Variants in ATP11B observed in about 807,000 individuals in gnomAD.
ATP11B encodes the protein phospholipid-transporting ATPase IF.
Under a neutral mutation model 157.8 loss-of-function variants are expected in ATP11B, and 81 were observed. The ratio of observed to expected loss-of-function variants is 0.51; its 90% CI spans 0.43 to 0.62. ATP11B has a LOEUF of 0.62. ATP11B is among the 20% of genes least tolerant of loss of function. The probability of loss-of-function intolerance (pLI) is 0.00; values close to 1 mark genes in which losing one functional copy is unlikely to be tolerated. For missense variants in ATP11B, 1,165 were observed against 1,402.2 expected (o/e 0.83, Z 2.70); for synonymous variants, 451 against 469.4 (o/e 0.96, Z 0.51).
At chr3:182,844,649 T>A in intron 8 of ATP11B, 1 of 527,352 alleles carries the variant, frequency 1.9e-6, no homozygotes, top group Non-Finnish European at 2.4e-6. Flanking sequence ...TAACATACCT[T>A]GTACTTTGTA....
chr3:182,797,000 T>C (rs991585206), intron 1 of ATP11B, among the ~76,000 whole-genome samples: 34 of 152,132 alleles, frequency 2.2e-4, no homozygotes, highest in Non-Finnish European at 7.4e-5. Flanking sequence ...AATGAGAAGG[T>C]CTTAATCTGA....
intron 1 of ATP11B, among the ~76,000 whole-genome samples, chr3:182,799,527 G>T (rs1445234151): frequency 6.6e-6 from 1 of 151,926 alleles, no homozygotes; most frequent in Admixed American, 6.6e-5. Flanking sequence ...CGCCCGCCTC[G>T]GCCTCCGGAA....
intron 1 of ATP11B, among the ~76,000 whole-genome samples, chr3:182,818,259 T>G (rs1471325304): frequency 6.6e-6 from 1 of 152,226 alleles, no homozygotes; most frequent in Non-Finnish European, 1.5e-5. Context: ...TGAACCTCTT[T>G]TGAGAAATAC....
Position 182,872,395 on chromosome 3 carries a change from A to C in ATP11B, c.1906A>C (p.Thr636Pro). 1 of 1,613,168 alleles carries C rather than the reference A, an allele frequency of 6.2e-7. No homozygotes were observed. The highest frequency in any genetic ancestry group is 8.5e-7 in the Non-Finnish European group (1 of 1,179,528). ...RTLCIAYRKF[T>P]SKEYEEIDKR... ...TCTGTGTATAGCATATAGAAAATTTACATCAAAAGAGTATGAGGAAATAGA... is the reference window on the plus strand; with the variant it reads ...TCTGTGTATAGCATATAGAAAATTTCCATCAAAAGAGTATGAGGAAATAGA... The change falls in exon 18 of 30, where the codon ACA (threonine) becomes CCA (proline). Residue 636 changes from threonine to proline, a missense_variant. Coordinates refer to ENST00000323116, the MANE Select transcript of ATP11B (RefSeq NM_014616.3).
chr3:182,834,525 A>G (rs974757506), intron 4 of ATP11B, among the ~76,000 whole-genome samples: 1 of 152,180 alleles, frequency 6.6e-6, no homozygotes, highest in Non-Finnish European at 1.5e-5. Context: ...CACAAATGGT[A>G]ACATAGAACA....
intron 20 of ATP11B, among the ~76,000 whole-genome samples, chr3:182,879,861 A>AC (rs1252596119): frequency 1.3e-5 from 2 of 152,174 alleles, no homozygotes; most frequent in Non-Finnish European, 2.9e-5. Context: ...GACCCAGAAA[A>AC]CCTGTGATGA....
chr3:182,847,238 C>G (rs1719605192), intron 9 of ATP11B, among the ~76,000 whole-genome samples: 1 of 151,864 alleles, frequency 6.6e-6, no homozygotes, highest in African/African-American at 2.4e-5. Context: ...TTTAGTAGAC[C>G]ACGTTGGCCA....
chr3:182,816,045 T>C (rs1418739345), intron 1 of ATP11B, among the ~76,000 whole-genome samples: 1 of 152,146 alleles, frequency 6.6e-6, no homozygotes, highest in Non-Finnish European at 1.5e-5. Flanking sequence ...GTATTAACAG[T>C]ACTTCCCCTG....
chr3:182,843,580 C>T (rs1209991689), intron 8 of ATP11B: 1 of 152,076 alleles, frequency 6.6e-6, no homozygotes, highest in South Asian at 2.1e-4. Flanking sequence ...AGATTGTTTT[C>T]CCTCAATATT....
intron 2 of ATP11B, 89 bp downstream of exon 2, chr3:182,820,465 G>T: frequency 1.1e-6 from 1 of 891,234 alleles, no homozygotes; most frequent in South Asian, 1.4e-5. Flanking sequence ...GAGAGGATCG[G>T]TTAAGCCCAG....
At position 182,919,533 on chromosome 3, in the gene ATP11B, C is replaced by A. The variant is rs999022413; in HGVS notation, c.*1429C>A. On this transcript the variant is annotated 3_prime_UTR_variant, in exon 30 of 30. Transcript: ENST00000323116. ...GATTATTAGCTTGAGAACTATTACC[C>A]AGCTCTAAGCAAATAATGATTGTAT... is the stretch of plus-strand genomic sequence containing the variant. 6.6e-6 allele frequency: 1 copy of A among 152,436 alleles called. No individual in the cohort carries two copies. The highest frequency in any genetic ancestry group is 6.5e-5 in the Admixed American group (1 of 15,280). 9.4% of individuals were successfully genotyped at this position (152,436 alleles called of 1,614,324 possible). A position where few individuals can be genotyped will look rare whatever the true frequency, so the allele number is the denominator to read the frequency against.
At chr3:182,813,176 C>T (rs1716771232) in intron 1 of ATP11B, among the ~76,000 whole-genome samples, 2 of 152,148 alleles carry the variant, frequency 1.3e-5, no homozygotes, top group Non-Finnish European at 2.9e-5. Flanking sequence ...CTGCTTTGGA[C>T]ATGGGTGTAG....
At chr3:182,855,267 T>C (rs1455286755) in intron 10 of ATP11B, among the ~76,000 whole-genome samples, 1 of 152,160 alleles carries the variant, frequency 6.6e-6, no homozygotes, top group Non-Finnish European at 1.5e-5. Context: ...GCCCAATTGA[T>C]TTTTGGCAAC....
chr3:182,913,964 T>C lies in ATP11B; in HGVS notation c.3422T>C (p.Ile1141Thr), dbSNP rs774352960. Residue 1141 changes from isoleucine (I) to threonine (T), a missense_variant, in exon 29 of 30, where the codon ATA (isoleucine) becomes ACA (threonine). Transcript: ENST00000323116. ...GTTGGAAGAATGCTGGAACGAGTTA[T>C]AGGAAGATGTAGTCCAACCCACATC... The part of the protein sequence containing the change: ...ASVGRMLERV[I>T]GRCSPTHISR... 4.3e-6 allele frequency: 7 copies of C among 1,613,934 alleles called. No homozygotes were observed. The highest frequency in any genetic ancestry group is 2.2e-5 in the South Asian group (2 of 91,094).
intron 2 of ATP11B, among the ~76,000 whole-genome samples, chr3:182,823,999 C>T (rs1445734426): frequency 6.6e-6 from 1 of 151,878 alleles, no homozygotes; most frequent in Non-Finnish European, 1.5e-5. Flanking sequence ...CCCCCTCCTC[C>T]TCACCCCCCA....
At chr3:182,848,375 T>C in intron 9 of ATP11B, 101 bp from the exon 10 acceptor site, 1 of 637,122 alleles carries the variant, frequency 1.6e-6, no homozygotes, top group South Asian at 4.8e-5. Context: ...ATAACAACTG[T>C]CAGACAGTAC....
chr3:182,816,099 T>A (rs139433102), intron 1 of ATP11B, among the ~76,000 whole-genome samples: 21 of 151,410 alleles, frequency 1.4e-4, no homozygotes, highest in African/African-American at 4.6e-4. Context: ...TTCACCCACT[T>A]TTTTTTTTGA....
intron 1 of ATP11B, among the ~76,000 whole-genome samples, chr3:182,814,296 C>T (rs1428239660): frequency 1.3e-5 from 2 of 152,006 alleles, no homozygotes; most frequent in Non-Finnish European, 2.9e-5. Flanking sequence ...AACTCCTGAC[C>T]TCAGGTGATT....
intron 19 of ATP11B, among the ~76,000 whole-genome samples, chr3:182,877,484 A>G (rs1319985965): frequency 6.6e-6 from 1 of 152,182 alleles, no homozygotes; most frequent in Non-Finnish European, 1.5e-5. Flanking sequence ...TCTACAAACA[A>G]TACAAAAATT....
Sources: gnomAD v4.1 joint callset for allele counts (sites outside exome capture counted in the v4.1 genomes callset) on GRCh38, gnomAD v4.1.1 for gene constraint, MANE v1.5 for transcripts, NCBI Gene and HGNC (gene_info 2026-07-23, HGNC 2026-07-21) for gene names.